The following IDO2 variants were observed in gnomAD, a reference collection of about 807,000 sequenced individuals.
IDO2 encodes the protein indoleamine 2,3-dioxygenase 2.
In IDO2, 46 loss-of-function variants were observed where a neutral mutation model predicts 45.1. The observed-to-expected ratio is 1.02, with a 90% CI of 0.80 to 1.30. The LOEUF (loss-of-function observed/expected upper bound fraction) is 1.30. Ranked by LOEUF, IDO2 falls within the 50% of genes most tolerant of loss-of-function variation. The pLI is 0.00. For missense variants in IDO2, 544 were observed against 491.8 expected (o/e 1.11, Z -1.00); for synonymous variants, 218 against 184.9 (o/e 1.18, Z -1.45).
At chr8:39,981,224 G>T (rs1281424051) in intron 4 of IDO2, among the ~76,000 whole-genome samples, 1 of 151,812 alleles carries the variant, frequency 6.6e-6, no homozygotes, top group Non-Finnish European at 1.5e-5. Flanking sequence ...ACAACGCCTG[G>T]CTAATTTTTA....
intron 2 of IDO2, among the ~76,000 whole-genome samples, chr8:39,951,971 T>C (rs1276563466): frequency 1.3e-5 from 2 of 152,224 alleles, no homozygotes; most frequent in Non-Finnish European, 2.9e-5. Flanking sequence ...GGAATGTCCA[T>C]TCCTGAGCTT....
exon 11 of IDO2, chr8:40,016,318 A>G (rs1802386866): frequency 1.0e-5 from 4 of 397,254 alleles, no homozygotes; most frequent in Middle Eastern, 1.3e-3. Context: ...ATCCTATATA[A>G]GTAAATAAGA....
At chr8:39,981,082 G>T (rs1387197070) in intron 4 of IDO2, among the ~76,000 whole-genome samples, 2 of 129,332 alleles carry the variant, frequency 1.5e-5, no homozygotes, top group Non-Finnish European at 1.6e-5. Flanking sequence ...TTTTTTTCGA[G>T]ACGGAGTCTC....
chr8:39,954,900 G>T (rs888708078), intron 2 of IDO2, among the ~76,000 whole-genome samples: 1 of 151,214 alleles, frequency 6.6e-6, no homozygotes. Context: ...CAAGTGATCC[G>T]CGCACCTCGG....
intron 3 of IDO2, among the ~76,000 whole-genome samples, chr8:39,965,362 C>T (rs935845917): frequency 2.0e-4 from 30 of 152,178 alleles, no homozygotes; most frequent in Non-Finnish European, 3.7e-4. Context: ...TGGCACATGC[C>T]TGTAGTCCCA....
At chr8:40,001,174 C>T (rs2955880) in intron 8 of IDO2, among the ~76,000 whole-genome samples, 12,949 of 150,266 alleles carry the variant, frequency 0.086, 655 homozygotes, top group Middle Eastern at 0.15. Flanking sequence ...TCTTCTTTCT[C>T]TCTCTCTCTC....
At chr8:39,985,644 C>T in intron 6 of IDO2, 122 bp downstream of exon 6, 2 of 797,144 alleles carry the variant, frequency 2.5e-6, no homozygotes, top group Middle Eastern at 3.3e-4. Context: ...ATATAAAATG[C>T]ATAAAAAATA....
At chr8:39,978,512 C>G (rs1053630843) in intron 3 of IDO2, among the ~76,000 whole-genome samples, 2 of 152,214 alleles carry the variant, frequency 1.3e-5, no homozygotes, top group African/African-American at 4.8e-5. Flanking sequence ...TGTGTCTTCC[C>G]CATTATGGCA....
At chr8:40,001,450 A>G (rs942953492) in intron 8 of IDO2, among the ~76,000 whole-genome samples, 3 of 151,768 alleles carry the variant, frequency 2.0e-5, no homozygotes, top group Admixed American at 1.3e-4. Context: ...GGGTTTCACT[A>G]TGTTGGCCAG....
chr8:40,003,931 T>C (rs923626846), intron 8 of IDO2, among the ~76,000 whole-genome samples: 5 of 152,178 alleles, frequency 3.3e-5, no homozygotes, highest in African/African-American at 1.2e-4. Flanking sequence ...GTTTTCTGCA[T>C]GTTTGTTTTC....
chr8:40,013,761 AG>A (rs762720423), intron 10 of IDO2, 48 bp downstream of exon 10: 12 of 1,243,798 alleles, frequency 9.6e-6, no homozygotes, highest in South Asian at 4.9e-5. Context: ...GAGGAAGAGG[AG>A]AGGTGTTTTT....
At position 40,009,942 on chromosome 8, in the gene IDO2, G is replaced by T. The variant is rs148521913; in HGVS notation, c.720-3623G>T. 8.4e-4 allele frequency among the ~76,000 whole-genome samples: 128 copies of T among 152,230 alleles called. 1 individual carries two copies. The highest frequency in any genetic ancestry group is 3.0e-3 in the African/African-American group (124 of 41,522). On this transcript the variant is annotated intron_variant, in intron 9 of 10. Transcript: ENST00000502986. ...AAATCATTCATTTATCACATATTTAGTGAGTGCCTACCCCATGTCAGTTCT... is the reference window on the plus strand; with the variant it reads ...AAATCATTCATTTATCACATATTTATTGAGTGCCTACCCCATGTCAGTTCT...
intron 1 of IDO2, among the ~76,000 whole-genome samples, chr8:39,944,940 GCC>G (rs573884276): frequency 2.6e-5 from 4 of 152,286 alleles, no homozygotes; most frequent in Admixed American, 2.6e-4. Flanking sequence ...TAGCTATGTG[GCC>G]TTTCAACACC....
At chr8:39,967,457 G>A (rs111828790) in intron 3 of IDO2, among the ~76,000 whole-genome samples, 2 of 152,082 alleles carry the variant, frequency 1.3e-5, no homozygotes, top group Non-Finnish European at 2.9e-5. Flanking sequence ...ACATACGACT[G>A]TTTACCTGTA....
chr8:39,957,929 G>T (rs1302246358), intron 2 of IDO2, among the ~76,000 whole-genome samples: 1 of 152,066 alleles, frequency 6.6e-6, no homozygotes, highest in Admixed American at 6.6e-5. Context: ...TATTTGAGAT[G>T]GAGTCTAGCT....
At chr8:39,979,512 C>A (rs1291491818) in intron 4 of IDO2, among the ~76,000 whole-genome samples, 1 of 152,016 alleles carries the variant, frequency 6.6e-6, no homozygotes, top group Admixed American at 6.5e-5. Flanking sequence ...CACCACCACA[C>A]CTGGCTAATT....
rs144414458 is a variant in IDO2 at position 39,982,021 on chromosome 8, C to T, written c.316-631C>T. Among the ~76,000 whole-genome samples, 856 of 152,220 alleles carry T rather than the reference C, an allele frequency of 5.6e-3. 7 individuals carry two copies. The highest frequency in any genetic ancestry group is 0.018 in the African/African-American group (761 of 41,544). On this transcript the variant is annotated intron_variant, in intron 4 of 10. Transcript: ENST00000502986. Reference sequence around the variant, plus strand: ...GAGTCAGTTTCCCCACAGGCTGAGGCAGTCTGTCCTCATGCTTTTCTAGGG... The same window carrying T: ...GAGTCAGTTTCCCCACAGGCTGAGGTAGTCTGTCCTCATGCTTTTCTAGGG...
chr8:39,943,120 C>T (rs576124258), intron 1 of IDO2, among the ~76,000 whole-genome samples: 1 of 152,166 alleles, frequency 6.6e-6, no homozygotes, highest in East Asian at 1.9e-4. Context: ...GTAATCCCAG[C>T]AGTTTGGGAG....
At chr8:39,943,337 C>T (rs1167641913) in intron 1 of IDO2, among the ~76,000 whole-genome samples, 3 of 152,108 alleles carry the variant, frequency 2.0e-5, no homozygotes, top group Non-Finnish European at 2.9e-5. Flanking sequence ...TGCCACTGTA[C>T]TCCAGTCTGG....
Sources: allele counts gnomAD v4.1 joint callset (sites outside exome capture counted in the v4.1 genomes callset), GRCh38; gene constraint gnomAD v4.1.1; transcripts MANE v1.5; gene names NCBI Gene and HGNC (gene_info 2026-07-23, HGNC 2026-07-21).